GPALPP1: variants seen among roughly 807,000 people sequenced by gnomAD.
GPALPP1 encodes GPALPP motifs-containing protein 1.
A neutral mutation model predicts 38.9 loss-of-function variants in GPALPP1; 30 were observed. That is an observed-to-expected ratio of 0.77 (90% CI 0.58 to 1.05). The LOEUF is 1.05. Among genes scored for constraint, GPALPP1 ranks in the 50% least tolerant of loss-of-function variants. The pLI, the probability that GPALPP1 is intolerant of heterozygous loss-of-function variation, is 0.00. For missense variants in GPALPP1, 384 were observed against 408.8 expected (o/e 0.94, Z 0.52); for synonymous variants, 120 against 139.2 (o/e 0.86, Z 0.97).
In GPALPP1 at chr13:45,029,008, A is replaced by G. The variant is rs1593411299; in HGVS notation, c.*1005A>G. ...GGGAGGTGGAGGTTACAGTGAGCCG[A>G]GATCGTGCCACTGCACTCTAGCCTA... On this transcript the variant is annotated 3_prime_UTR_variant, in exon 8 of 8. Coordinates refer to ENST00000379151, the MANE Select transcript of GPALPP1 (RefSeq NM_018559.5). 8 of 152,276 alleles carry G rather than the reference A, an allele frequency of 5.3e-5. 2 individuals are homozygous for G. Among genetic ancestry groups the G allele is most frequent in the Admixed American group, 5.2e-4 (8 of 15,292 alleles). 9.4% of individuals were successfully genotyped at this position (152,276 alleles called of 1,614,324 possible). A position where few individuals can be genotyped will look rare whatever the true frequency, so the allele number is the denominator to read the frequency against.
intron 1 of GPALPP1, among the ~76,000 whole-genome samples, chr13:44,990,590 C>T: frequency 6.6e-6 from 1 of 152,184 alleles, no homozygotes; most frequent in East Asian, 1.9e-4. Flanking sequence ...GAAACGAATG[C>T]TTCTCGGATT....
intron 1 of GPALPP1, 75 bp downstream of exon 1, chr13:44,989,817 G>T: frequency 8.3e-7 from 1 of 1,199,442 alleles, no homozygotes; most frequent in South Asian, 1.3e-5. Flanking sequence ...GCTGAAGAAA[G>T]TCGGAGGCCT....
chr13:45,011,318 G>GGTT (rs2137982761), intron 4 of GPALPP1, among the ~76,000 whole-genome samples: 1 of 152,230 alleles, frequency 6.6e-6, no homozygotes, highest in South Asian at 2.1e-4. Flanking sequence ...TACTTCATAG[G>GGTT]GTTGTTATAA....
chr13:45,024,440 C>T (rs1875693391), intron 7 of GPALPP1, among the ~76,000 whole-genome samples: 2 of 151,916 alleles, frequency 1.3e-5, no homozygotes, highest in Admixed American at 1.3e-4. Context: ...GCTGGGACTA[C>T]AGGCACATGC....
At chr13:44,990,166 A>G (rs902632287) in intron 1 of GPALPP1, 6 of 402,934 alleles carry the variant, frequency 1.5e-5, no homozygotes, top group Admixed American at 8.5e-5. Flanking sequence ...CCTCTGTGCC[A>G]TATTGCCTTC....
At chr13:45,025,493 T>A (rs1875768059) in intron 7 of GPALPP1, among the ~76,000 whole-genome samples, 1 of 152,202 alleles carries the variant, frequency 6.6e-6, no homozygotes, top group Non-Finnish European at 1.5e-5. Context: ...TAGTAAATGC[T>A]CAATATATCT....
At chr13:45,021,365 C>T (rs1387502460) in intron 7 of GPALPP1, among the ~76,000 whole-genome samples, 2 of 152,096 alleles carry the variant, frequency 1.3e-5, no homozygotes, top group Non-Finnish European at 2.9e-5. Context: ...AAAACGTAGC[C>T]ACTTGAAGTA....
chr13:45,023,034 G>T (rs1283633122), intron 7 of GPALPP1, among the ~76,000 whole-genome samples: 3 of 151,234 alleles, frequency 2.0e-5, no homozygotes, highest in Non-Finnish European at 4.4e-5. Flanking sequence ...CACAGAGCAA[G>T]ACCTGTCTCT....
At chr13:45,021,532 C>T (rs1326492861) in intron 7 of GPALPP1, among the ~76,000 whole-genome samples, 1 of 151,874 alleles carries the variant, frequency 6.6e-6, no homozygotes, top group East Asian at 1.9e-4. Context: ...TGTCTATAAT[C>T]CCAGCACTTT....
chr13:45,020,111 C>T (rs1175021115), intron 6 of GPALPP1, among the ~76,000 whole-genome samples: 1 of 151,844 alleles, frequency 6.6e-6, no homozygotes, highest in Non-Finnish European at 1.5e-5. Context: ...GAACTCGTCA[C>T]CTCAGGTGAT....
intron 6 of GPALPP1, among the ~76,000 whole-genome samples, chr13:45,015,882 TCAA>T (rs759526355): frequency 1.3e-5 from 2 of 152,070 alleles, no homozygotes; most frequent in Non-Finnish European, 2.9e-5. Flanking sequence ...CTCTATGAGG[TCAA>T]CGTTTCTAGG....
At position 45,018,851 on chromosome 13, in the gene GPALPP1, GT is replaced by G. The variant is rs1041114843; in HGVS notation, c.706-1475del. On this transcript the variant is annotated intron_variant, in intron 6 of 7. Coordinates refer to ENST00000379151, the MANE Select transcript of GPALPP1 (RefSeq NM_018559.5). ...TGTGTGTGTGCTAATATAAATGATA[GT>G]TTTGTTTCAAATTCCAGTTGTTTCT... Among the ~76,000 whole-genome samples the G allele has an allele frequency of 2.0e-5, 3 of 148,282 alleles. No individual in the cohort carries two copies. In the Admixed American group the frequency reaches 2.0e-4, roughly 10 times the overall value.
intron 6 of GPALPP1, among the ~76,000 whole-genome samples, chr13:45,019,857 T>C (rs551299497): frequency 2.1e-4 from 31 of 150,466 alleles, no homozygotes; most frequent in Non-Finnish European, 3.5e-4. Flanking sequence ...ACTGATCTCT[T>C]ATCAAGTATG....
chr13:45,024,527 G>C (rs1456455245), intron 7 of GPALPP1, among the ~76,000 whole-genome samples: 1 of 151,512 alleles, frequency 6.6e-6, no homozygotes, highest in Non-Finnish European at 1.5e-5. Flanking sequence ...TTGAACTCCT[G>C]ACCTCAGGTC....
chr13:45,016,645 GTTGT>G (rs939250851), intron 6 of GPALPP1, among the ~76,000 whole-genome samples: 3 of 151,622 alleles, frequency 2.0e-5, no homozygotes, highest in Non-Finnish European at 4.4e-5. Flanking sequence ...TTTTTGTTTG[GTTGT>G]TTGTTTTTTA....
intron 1 of GPALPP1, among the ~76,000 whole-genome samples, chr13:45,000,604 T>G (rs1873604156): frequency 6.6e-6 from 1 of 151,882 alleles, no homozygotes; most frequent in Admixed American, 6.6e-5. Flanking sequence ...ATAAATTACA[T>G]GGATAGCAGT....
chr13:45,023,734 A>C (rs1384799198), intron 7 of GPALPP1, among the ~76,000 whole-genome samples: 1 of 152,190 alleles, frequency 6.6e-6, no homozygotes, highest in East Asian at 1.9e-4. Context: ...CTAAGGACTT[A>C]TTATCTCACT....
In GPALPP1 at chr13:45,004,767, T is replaced by C. The variant is rs530803762; in HGVS notation, c.221+330T>C. The stretch of plus-strand genomic sequence containing the variant: ...AGCTCAAGCGATCCTCCCACCTCAG[T>C]CTTCTGAGAAGCTGGAACCACAGGT... On this transcript the variant is annotated intron_variant, in intron 2 of 7. Coordinates refer to ENST00000379151, the MANE Select transcript of GPALPP1 (RefSeq NM_018559.5). 3.3e-5 allele frequency among the ~76,000 whole-genome samples: 5 copies of C among 152,150 alleles called. No individual in the cohort carries two copies. In the South Asian group the frequency reaches 1.0e-3, roughly 32 times the overall value.
In GPALPP1 at chr13:45,028,612, C is replaced by G. The variant is rs536600932; in HGVS notation, c.*609C>G. The G allele has an allele frequency of 2.0e-5, 3 of 152,338 alleles. No homozygotes were observed. The highest frequency in any genetic ancestry group is 4.1e-4 in the South Asian group (2 of 4,822). 9.4% of individuals were successfully genotyped at this position (152,338 alleles called of 1,614,324 possible). A position where few individuals can be genotyped will look rare whatever the true frequency, so the allele number is the denominator to read the frequency against. The stretch of plus-strand genomic sequence containing the variant: ...GACCCCGTATCTACAAAAAACTAAC[C>G]AGGTGCAGTGGAGCACACCTATAGT... On this transcript the variant is annotated 3_prime_UTR_variant, in exon 8 of 8. Coordinates refer to ENST00000379151, the MANE Select transcript of GPALPP1 (RefSeq NM_018559.5).
Sources: gnomAD v4.1 joint callset for allele counts (sites outside exome capture counted in the v4.1 genomes callset) on GRCh38, gnomAD v4.1.1 for gene constraint, MANE v1.5 for transcripts, NCBI Gene and HGNC (gene_info 2026-07-23, HGNC 2026-07-21) for gene names.